Variants in RALGPS1 observed in about 807,000 individuals in gnomAD.
RALGPS1 encodes the protein ras-specific guanine nucleotide-releasing factor RalGPS1.
Under a neutral mutation model 78.8 loss-of-function variants are expected in RALGPS1, and 19 were observed. That is an observed-to-expected ratio of 0.24 (90% CI 0.17 to 0.35). RALGPS1 has a LOEUF of 0.35. RALGPS1 is among the 10% of genes least tolerant of loss of function. The pLI, the probability that RALGPS1 is intolerant of heterozygous loss-of-function variation, is 1.00. For missense variants in RALGPS1, 454 were observed against 688.3 expected, an observed-to-expected ratio of 0.66 and a Z score of 3.81; for synonymous variants, 228 against 256.3, an observed-to-expected ratio of 0.89 and a Z score of 1.06.
At chr9:127,067,799 A>G (rs2049849511) in intron 7 of RALGPS1, among the ~76,000 whole-genome samples, 1 of 152,238 alleles carries the variant, frequency 6.6e-6, no homozygotes, top group African/African-American at 2.4e-5. Context: ...CTAGACTCAC[A>G]GGTGCTGCCA....
chr9:127,107,647 T>C (rs2054348053), intron 8 of RALGPS1, among the ~76,000 whole-genome samples: 1 of 152,182 alleles, frequency 6.6e-6, no homozygotes, highest in Non-Finnish European at 1.5e-5. Context: ...CTGGGTTCTT[T>C]CCTGTCAGAA....
Position 127,221,972 on chromosome 9 carries a change from C to T in RALGPS1, c.*3203C>T, listed in dbSNP as rs1321636644. 6.6e-6 allele frequency: 1 copy of T among 152,084 alleles called. No homozygotes were observed. Among genetic ancestry groups the T allele is most frequent in the Non-Finnish European group, 1.5e-5 (1 of 68,028 alleles). 9.4% of individuals were successfully genotyped at this position (152,084 alleles called of 1,614,324 possible). On this transcript the variant is annotated 3_prime_UTR_variant, in exon 19 of 19. Transcript: ENST00000259351. ...AAATACAGCTTTCTGGTTTGTGAGC[C>T]CATAAATGACTTAAATCAGCTTTAC...
chr9:126,956,947 T>C (rs1434426157), intron 1 of RALGPS1, among the ~76,000 whole-genome samples: 2 of 152,192 alleles, frequency 1.3e-5, no homozygotes, highest in East Asian at 3.8e-4. Context: ...TCAGGGATGA[T>C]GAAGAGCCCA....
chr9:127,099,874 G>A (rs942305917), intron 8 of RALGPS1, among the ~76,000 whole-genome samples: 1 of 152,200 alleles, frequency 6.6e-6, no homozygotes, highest in South Asian at 2.1e-4. Context: ...CTTTCAGGCC[G>A]CTTTAGCCCT....
At position 127,183,768 on chromosome 9, in the gene RALGPS1, G is replaced by T; in HGVS notation, c.910+8986G>T. ...ACTCTCTCTGCCCGTTTATATTTTC[G>T]GAATGGATGGGTGGGAGGGGCCCTC... On this transcript the variant is annotated intron_variant, in intron 11 of 18. Coordinates refer to ENST00000259351, the MANE Select transcript of RALGPS1 (RefSeq NM_014636.3). This position sits in a 1 kb window ranked among gnomAD's most constrained non-coding sequence, Gnocchi z 4.0. The T allele has an allele frequency of 9.9e-7, 1 of 1,013,760 alleles. No homozygotes were observed. The highest frequency in any genetic ancestry group is 1.6e-5 in the South Asian group (1 of 60,714). 62.8% of individuals were successfully genotyped at this position (1,013,760 alleles called of 1,614,324 possible).
chr9:127,151,299 A>G (rs994522561), intron 8 of RALGPS1, among the ~76,000 whole-genome samples: 1 of 152,040 alleles, frequency 6.6e-6, no homozygotes, highest in African/African-American at 2.4e-5. Context: ...AAGTGCGTTG[A>G]CCAGAATTTT....
At position 127,183,826 on chromosome 9, in the gene RALGPS1, G is replaced by A. The variant is rs1420446191; in HGVS notation, c.910+9044G>A. 159 of 1,517,442 alleles carry A rather than the reference G, an allele frequency of 1.0e-4. No individual in the cohort carries two copies. Among genetic ancestry groups the A allele is most frequent in the Non-Finnish European group, 1.4e-4 (155 of 1,128,890 alleles). The allele number at this position is 1,517,442 out of a possible 1,614,324, so 94.0% of individuals were successfully genotyped here. ...ACCTCAGGGATAGGAGGCCAGTTGT[G>A]GCCCATTACTCTGGGATTTCACATC... On this transcript the variant is annotated intron_variant, in intron 11 of 18. Coordinates refer to ENST00000259351, the MANE Select transcript of RALGPS1 (RefSeq NM_014636.3). This position sits in a 1 kb window ranked among gnomAD's most constrained non-coding sequence, Gnocchi z 4.0.
rs1556890 is a variant in RALGPS1 at position 127,122,859 on chromosome 9, C to T, written c.611-43210C>T. The T allele has an allele frequency of 0.024, 3,709 of 152,498 alleles. 56 individuals are homozygous for T. The highest frequency in any genetic ancestry group is 0.048 in the Middle Eastern group (14 of 294). The allele number at this position is 152,498 out of a possible 1,614,324, so 9.4% of individuals were successfully genotyped here. On this transcript the variant is annotated intron_variant, in intron 8 of 18. Coordinates refer to ENST00000259351, the MANE Select transcript of RALGPS1 (RefSeq NM_014636.3). This position sits in a 1 kb window ranked among gnomAD's most constrained non-coding sequence, Gnocchi z 6.4. ...CTGGCCTGGCCCCTCCCGCCCAGCC[C>T]GCTTTGGCGGCCTCGGCAGGCCCCC...
At position 127,196,671 on chromosome 9, in the gene RALGPS1, G is replaced by A. The variant is rs142666753; in HGVS notation, c.1195+40G>A. On this transcript the variant is annotated intron_variant, in intron 13 of 18. Transcript: ENST00000259351. ...CCTGCACATGATAGGCTGGTGGGCT[G>A]TAGGCCCAGCGTGTGCTCCGTGTCT... is the stretch of plus-strand genomic sequence containing the variant. 2,462 of 1,536,618 alleles carry A rather than the reference G, an allele frequency of 1.6e-3. 10 individuals carry two copies. The highest frequency in any genetic ancestry group is 0.015 in the Middle Eastern group (84 of 5,508).
chr9:127,183,861 C>T lies in RALGPS1; in HGVS notation c.910+9079C>T. The T allele has an allele frequency of 1.3e-6, 2 of 1,546,778 alleles. No individual in the cohort carries two copies. The highest frequency in any genetic ancestry group is 1.7e-6 in the Non-Finnish European group (2 of 1,145,846). ...TCTGGGATTTCACATCTCCTTTGTT[C>T]TTGAGTCTCCCATCTCAGCAGCCTG... is the stretch of plus-strand genomic sequence containing the variant. On this transcript the variant is annotated intron_variant, in intron 11 of 18. Coordinates refer to ENST00000259351, the MANE Select transcript of RALGPS1 (RefSeq NM_014636.3). The surrounding 1 kb of genome is among the most constrained non-coding windows in gnomAD (Gnocchi z 4.0).
intron 8 of RALGPS1, among the ~76,000 whole-genome samples, chr9:127,112,587 T>C (rs1321671530): frequency 6.6e-6 from 1 of 152,258 alleles, no homozygotes; most frequent in East Asian, 1.9e-4. Flanking sequence ...ACATGGGCTC[T>C]CACAGCTCCC....
Position 127,199,002 on chromosome 9 carries a change from G to C in RALGPS1, c.1196-13G>C, listed in dbSNP as rs1464361529. The C allele has an allele frequency of 2.5e-6, 4 of 1,613,582 alleles. No homozygotes were observed. The highest frequency in any genetic ancestry group is 3.4e-6 in the Non-Finnish European group (4 of 1,179,440). ...GAAGCCGTTGTGCTCATTGACCTGT[G>C]TTCCTTTTCCAGGCAGTAGTGAGAG... On this transcript the variant is annotated splice_polypyrimidine_tract_variant and intron_variant, in intron 13 of 18. Transcript: ENST00000259351.
At chr9:126,995,812 A>G (rs2042693328) in intron 4 of RALGPS1, among the ~76,000 whole-genome samples, 1 of 152,240 alleles carries the variant, frequency 6.6e-6, no homozygotes, top group Admixed American at 6.5e-5. Flanking sequence ...GTAAAAGAAC[A>G]GAAATTATAA....
intron 5 of RALGPS1, among the ~76,000 whole-genome samples, chr9:127,038,713 A>T (rs528521612): frequency 2.0e-5 from 3 of 152,318 alleles, no homozygotes; most frequent in Admixed American, 6.5e-5. Context: ...AACATGATGG[A>T]GGCGATTCCA....
chr9:127,004,840 C>T (rs1477956783), intron 4 of RALGPS1, among the ~76,000 whole-genome samples: 3 of 152,130 alleles, frequency 2.0e-5, no homozygotes, highest in South Asian at 2.1e-4. Context: ...CCAGAAGATA[C>T]GTAAGGGAGA....
At chr9:126,986,995 G>A (rs563772698) in intron 4 of RALGPS1, among the ~76,000 whole-genome samples, 1 of 152,338 alleles carries the variant, frequency 6.6e-6, no homozygotes, top group African/African-American at 2.4e-5. Flanking sequence ...CTAGTCATGC[G>A]TGGCTATCAT....
At chr9:127,182,675 C>A (rs978978298) in intron 11 of RALGPS1, among the ~76,000 whole-genome samples, 1 of 152,064 alleles carries the variant, frequency 6.6e-6, no homozygotes, top group Non-Finnish European at 1.5e-5. Context: ...GTGATCTGCC[C>A]ACCTTGGCCT....
At position 127,212,725 on chromosome 9, in the gene RALGPS1, T is replaced by C; in HGVS notation, c.1446+6T>C. On this transcript the variant is annotated splice_donor_region_variant and intron_variant, in intron 16 of 18. Coordinates refer to ENST00000259351, the MANE Select transcript of RALGPS1 (RefSeq NM_014636.3). The surrounding 1 kb of genome is among the most constrained non-coding windows in gnomAD (Gnocchi z 6.0). ...GGGGCACAGACAGAAAACACGTAAG[T>C]CCCTTGAAAGGACTCTAGTGCTGGG... 6.2e-7 allele frequency: 1 copy of C among 1,604,994 alleles called. No homozygotes were observed. Among genetic ancestry groups the C allele is most frequent in the Non-Finnish European group, 8.5e-7 (1 of 1,172,328 alleles).
chr9:127,153,903 G>A (rs534879043), intron 8 of RALGPS1, among the ~76,000 whole-genome samples: 2 of 152,288 alleles, frequency 1.3e-5, no homozygotes, highest in East Asian at 1.9e-4. Context: ...GGAGGTGACC[G>A]GGAGACCACA....
Sources: gnomAD v4.1 joint callset for allele counts (sites outside exome capture counted in the v4.1 genomes callset) on GRCh38, gnomAD v4.1.1 for gene constraint, Gnocchi (gnomAD v3.1) non-coding constraint, MANE v1.5 for transcripts, NCBI Gene and HGNC (gene_info 2026-07-23, HGNC 2026-07-21) for gene names.